The following EGFR variants were observed in gnomAD, a reference collection of about 807,000 sequenced individuals.
EGFR encodes the protein avian erythroblastic leukemia viral (v-erb-b) oncogene homolog.
Under a neutral mutation model 143.0 loss-of-function variants are expected in EGFR, and 58 were observed. That is an observed-to-expected ratio of 0.41 (90% CI 0.33 to 0.50). EGFR has a LOEUF of 0.50. Ranked by LOEUF, EGFR falls within the 20% of genes least tolerant of loss-of-function variation. EGFR has a pLI of 0.39. For synonymous variants in EGFR, 613 were observed against 594.4 expected (o/e 1.03, Z -0.45); for missense variants, 1,307 against 1,579.0 (o/e 0.83, Z 2.92).
At chr7:55,171,148 T>A in intron 15 of EGFR, 27 bp from the exon 16 acceptor site, 1 of 1,613,924 alleles carries the variant, frequency 6.2e-7, no homozygotes, top group Non-Finnish European at 8.5e-7. Context: ...ATGAGAAAAA[T>A]GTATATTTCT....
At chr7:55,126,332 G>A (rs150803305) in intron 1 of EGFR, among the ~76,000 whole-genome samples, 4 of 152,216 alleles carry the variant, frequency 2.6e-5, no homozygotes, top group South Asian at 2.1e-4. Context: ...CTAAAAGGAC[G>A]ATGACAACAG....
In EGFR at chr7:55,179,330, G is replaced by A. The variant is rs572346852; in HGVS notation, c.2284-1963G>A. Reference sequence around the variant, plus strand: ...CATTTCACCCTCTTGGCCTGGGGGCGGGACCCAAGAATGTGTGGCTCTAAA... The same window carrying A: ...CATTTCACCCTCTTGGCCTGGGGGCAGGACCCAAGAATGTGTGGCTCTAAA... On this transcript the variant is annotated intron_variant, in intron 19 of 27. Coordinates refer to ENST00000275493, the MANE Select transcript of EGFR (RefSeq NM_005228.5). Among the ~76,000 whole-genome samples, 5 of 152,338 alleles carry A rather than the reference G, an allele frequency of 3.3e-5. No individual in the cohort carries two copies. In the East Asian group the frequency reaches 5.8e-4, roughly 18 times the overall value.
At chr7:55,195,270 T>C (rs932044531) in intron 22 of EGFR, among the ~76,000 whole-genome samples, 1 of 152,250 alleles carries the variant, frequency 6.6e-6, no homozygotes, top group Non-Finnish European at 1.5e-5. Context: ...CCTTCCAATG[T>C]TAAGCTTGTA....
At chr7:55,188,402 G>A (rs527711785) in intron 20 of EGFR, among the ~76,000 whole-genome samples, 1 of 152,130 alleles carries the variant, frequency 6.6e-6, no homozygotes, top group Non-Finnish European at 1.5e-5. Context: ...GGGGTACCCT[G>A]CCAGAATAAG....
chr7:55,185,157 G>GA (rs200773937), intron 20 of EGFR, among the ~76,000 whole-genome samples: 1,674 of 151,772 alleles, frequency 0.011, 29 homozygotes, highest in African/African-American at 0.035. Flanking sequence ...AAGGAAAAAG[G>GA]AAAAAAAACA....
rs554118442 is a variant in EGFR, at chr7:55,191,682, T to C, written c.2470-37T>C. On this transcript the variant is annotated intron_variant, in intron 20 of 27. Coordinates refer to ENST00000275493, the MANE Select transcript of EGFR (RefSeq NM_005228.5). ...TCGGATGCAGAGCTTCTTCCCATGA[T>C]GATCTGTCCCTCACAGCAGGGTCTT... 4 of 1,612,772 alleles carry C rather than the reference T, an allele frequency of 2.5e-6. No homozygotes were observed. The South Asian group carries it at 3.3e-5, about 13-fold the overall frequency.
Position 55,155,776 on chromosome 7 carries a change from G to A in EGFR, c.890-54G>A, listed in dbSNP as rs1455389675. The A allele has an allele frequency of 1.6e-5, 24 of 1,463,052 alleles. 1 individual carries two copies. In the East Asian group the frequency reaches 5.2e-4, roughly 32 times the overall value. 90.6% of individuals were successfully genotyped at this position (1,463,052 alleles called of 1,614,324 possible). A position where few individuals can be genotyped will look rare whatever the true frequency, so the allele number is the denominator to read the frequency against. On this transcript the variant is annotated intron_variant, in intron 7 of 27. Coordinates refer to ENST00000275493, the MANE Select transcript of EGFR (RefSeq NM_005228.5). ...AGAGGACCTGGACCGCCTGTGTGAGGCCCGAGCACCTGGTGCCACCGTCAT... is the reference window on the plus strand; with the variant it reads ...AGAGGACCTGGACCGCCTGTGTGAGACCCGAGCACCTGGTGCCACCGTCAT...
intron 1 of EGFR, among the ~76,000 whole-genome samples, chr7:55,051,507 G>A (rs1250197464): frequency 2.0e-5 from 3 of 150,902 alleles, no homozygotes; most frequent in African/African-American, 4.8e-5. Context: ...CTGCCGTGGG[G>A]TGACACAGCA....
chr7:55,020,887 A>C (rs1786527568), intron 1 of EGFR, among the ~76,000 whole-genome samples: 1 of 145,538 alleles, frequency 6.9e-6, no homozygotes, highest in Non-Finnish European at 1.5e-5. Context: ...CCTGGGATTA[A>C]AAAAAAAAAA....
chr7:55,142,477 A>G, intron 2 of EGFR, 40 bp downstream of exon 2: 2 of 1,610,712 alleles, frequency 1.2e-6, no homozygotes, highest in East Asian at 2.2e-5. Context: ...AAAATTGGAG[A>G]AAATCTAAGT....
chr7:55,172,520 G>A (rs1411806972), intron 16 of EGFR, among the ~76,000 whole-genome samples: 1 of 152,188 alleles, frequency 6.6e-6, no homozygotes, highest in African/African-American at 2.4e-5. Context: ...GGACCCAGAG[G>A]AGTCTCAGCA....
chr7:55,071,285 A>C (rs1789811927), intron 1 of EGFR, among the ~76,000 whole-genome samples: 1 of 152,232 alleles, frequency 6.6e-6, no homozygotes, highest in Admixed American at 6.5e-5. Context: ...TGATTTCCAA[A>C]ATTGCCTTTG....
chr7:55,035,401 C>T (rs1055819390), intron 1 of EGFR, among the ~76,000 whole-genome samples: 1 of 151,636 alleles, frequency 6.6e-6, no homozygotes, highest in African/African-American at 2.4e-5. Context: ...TGGTGGCTCA[C>T]ACCTGTAATC....
At chr7:55,117,453 G>A (rs560980840) in intron 1 of EGFR, among the ~76,000 whole-genome samples, 16 of 152,334 alleles carry the variant, frequency 1.1e-4, no homozygotes, top group African/African-American at 3.1e-4. Context: ...TGCAGAAAAC[G>A]AGGCAGCTTG....
intron 20 of EGFR, among the ~76,000 whole-genome samples, chr7:55,187,354 G>A (rs1319636539): frequency 1.3e-5 from 2 of 152,022 alleles, no homozygotes; most frequent in Non-Finnish European, 2.9e-5. Flanking sequence ...CTACATATGG[G>A]GAAACAAAGG....
intron 5 of EGFR, 179 bp from the exon 6 acceptor site, chr7:55,152,367 C>G (rs1241626025): frequency 1.3e-6 from 1 of 771,362 alleles, no homozygotes; most frequent in South Asian, 1.4e-5. Flanking sequence ...AAAAATAAAT[C>G]AGGAGAAAAA....
intron 17 of EGFR, among the ~76,000 whole-genome samples, 178 bp downstream of exon 17, chr7:55,173,302 G>A (rs1022385616): frequency 9.2e-5 from 14 of 152,220 alleles, no homozygotes; most frequent in South Asian, 2.1e-4. Flanking sequence ...ACATCCATCC[G>A]AGGAAATGGC....
chr7:55,092,548 A>G (rs1791190054), intron 1 of EGFR, among the ~76,000 whole-genome samples: 1 of 152,168 alleles, frequency 6.6e-6, no homozygotes, highest in Non-Finnish European at 1.5e-5. Context: ...AATGACTCTG[A>G]TTTTCATTCC....
chr7:55,021,539 A>G (rs980644167), intron 1 of EGFR, among the ~76,000 whole-genome samples: 1 of 152,222 alleles, frequency 6.6e-6, no homozygotes, highest in Non-Finnish European at 1.5e-5. Flanking sequence ...AAGACAAGAG[A>G]GAGAGTAGGA....
Sources: gnomAD v4.1 joint callset for allele counts (sites outside exome capture counted in the v4.1 genomes callset) on GRCh38, gnomAD v4.1.1 for gene constraint, MANE v1.5 for transcripts, NCBI Gene and HGNC (gene_info 2026-07-23, HGNC 2026-07-21) for gene names.